Variants in PDE4D observed in about 807,000 individuals in gnomAD.
PDE4D encodes the protein 3',5'-cyclic-AMP phosphodiesterase 4D.
A neutral mutation model predicts 87.4 loss-of-function variants in PDE4D; 24 were observed. The ratio of observed to expected loss-of-function variants is 0.27; its 90% CI spans 0.20 to 0.39. PDE4D has a LOEUF of 0.39. Ranked by LOEUF, PDE4D falls within the 10% of genes least tolerant of loss-of-function variation. The pLI is 1.00. For missense variants in PDE4D, 714 were observed against 1,041.0 expected (o/e 0.69, Z 4.32); for synonymous variants, 384 against 383.2 (o/e 1.00, Z -0.02).
chr5:59,714,729 G>T (rs1193953607), intron 1 of PDE4D, among the ~76,000 whole-genome samples: 1 of 152,204 alleles, frequency 6.6e-6, no homozygotes, highest in Non-Finnish European at 1.5e-5. Context: ...TTGCTGCAGG[G>T]ATATATGCAT....
chr5:59,347,120 A>G (rs1779736802), intron 1 of PDE4D, among the ~76,000 whole-genome samples: 1 of 152,202 alleles, frequency 6.6e-6, no homozygotes, highest in Non-Finnish European at 1.5e-5. Context: ...GGATGGGAAC[A>G]CAAATCTGAT....
chr5:59,705,740 C>T (rs1753296587), intron 1 of PDE4D, among the ~76,000 whole-genome samples: 1 of 152,148 alleles, frequency 6.6e-6, no homozygotes, highest in Non-Finnish European at 1.5e-5. Flanking sequence ...ACACAGCACC[C>T]TATACATGTT....
rs1211097260 is a variant in PDE4D at position 60,123,769 on chromosome 5, C to T, written c.42+61788G>A. On this transcript the variant is annotated intron_variant, in intron 2 of 16. Coordinates refer to the PDE4D transcript ENST00000502484. ...TATACCTAATGACAGGAAGAAAACC[C>T]TAATTTCCAGTCCCATTTGACCTTT... is the stretch of plus-strand genomic sequence containing the variant. Among the ~76,000 whole-genome samples the T allele has an allele frequency of 2.0e-5, 3 of 152,194 alleles. No individual in the cohort carries two copies. The East Asian group carries it at 5.8e-4, about 29-fold the overall frequency.
chr5:58,976,470 T>C lies in PDE4D; in HGVS notation c.1710A>G (p.Val570=), dbSNP rs777255196. 2 of 1,555,174 alleles carry C rather than the reference T, an allele frequency of 1.3e-6. No individual in the cohort carries two copies. The highest frequency in any genetic ancestry group is 1.7e-6 in the Non-Finnish European group (2 of 1,145,614). ...QSLRKMVIDI[V]LATDMSKHMN... ...TGTGTTTTGACATATCTGTTGCAAG[T>C]ACCTTAAAATATAGAGTATATTATT... The change falls in exon 13 of 15, where the codon GTA becomes GTG. Residue 570 remains valine, a splice_region_variant and synonymous_variant. Transcript: ENST00000340635.
intron 1 of PDE4D, among the ~76,000 whole-genome samples, chr5:60,192,981 T>C (rs1289763356): frequency 6.6e-6 from 1 of 152,222 alleles, no homozygotes; most frequent in Non-Finnish European, 1.5e-5. Context: ...TGCTATTTCG[T>C]ACCCAATGTT....
chr5:60,148,373 A>G (rs1025935578), intron 2 of PDE4D, among the ~76,000 whole-genome samples: 6 of 152,234 alleles, frequency 3.9e-5, no homozygotes, highest in African/African-American at 1.4e-4. Flanking sequence ...ATCATTGTTT[A>G]TAACAACTAT....
At chr5:59,443,801 C>A (rs1310863336) in intron 1 of PDE4D, among the ~76,000 whole-genome samples, 1 of 152,054 alleles carries the variant, frequency 6.6e-6, no homozygotes, top group Non-Finnish European at 1.5e-5. Flanking sequence ...TAAGAGATAA[C>A]CAGTCAATGG....
At position 59,027,937 on chromosome 5, in the gene PDE4D, GATGGTAAGATGTTGAGAGGT is replaced by G. The variant is rs2153382155; in HGVS notation, c.921+10902_921+10921del. ...CAAGGAAATATTTGTGTGTATACTA[GATGGTAAGATGTTGAGAGGT>G]AGAATGGAGAGTTACCTTCTTAATA... On this transcript the variant is annotated intron_variant, in intron 6 of 14. Transcript: ENST00000340635. 2.0e-5 allele frequency among the ~76,000 whole-genome samples: 3 copies of G among 151,956 alleles called. No homozygotes were observed. The South Asian group carries it at 6.3e-4, about 32-fold the overall frequency.
At chr5:59,406,854 CG>C (rs1791758020) in intron 1 of PDE4D, among the ~76,000 whole-genome samples, 1 of 152,062 alleles carries the variant, frequency 6.6e-6, no homozygotes, top group Non-Finnish European at 1.5e-5. Context: ...TTTTCTGAAA[CG>C]TCTATTTGTT....
chr5:60,472,566 C>T (rs915088407), intron 1 of PDE4D, among the ~76,000 whole-genome samples: 1 of 152,152 alleles, frequency 6.6e-6, no homozygotes, highest in African/African-American at 2.4e-5. Flanking sequence ...TCATTACCAG[C>T]TTTACTCCCT....
In PDE4D at chr5:59,215,931, G is replaced by A. The variant is rs756389970; in HGVS notation, c.493C>T (p.Pro165Ser). The A allele has an allele frequency of 3.1e-6, 5 of 1,613,164 alleles. No homozygotes were observed. In the African/African-American group the frequency reaches 5.3e-5, roughly 17 times the overall value. Residue 165 changes from proline (P) to serine (S), a missense_variant, in exon 2 of 15, where the codon CCC becomes TCC. Pro to Ser is a moderately conservative substitution (Grantham distance 74, BLOSUM62 -1). This residue lies in a region of PDE4D where 268 missense variants were observed against 272.9 expected (regional missense o/e 0.98). Coordinates refer to ENST00000340635, the MANE Select transcript of PDE4D (RefSeq NM_001104631.2). ...VDNGTSAGRSPLDPMTSPGSG... is the reference protein window; with the variant it reads ...VDNGTSAGRSSLDPMTSPGSG... ...CCTGGGCTGGTCATGGGATCCAAGG[G>A]ACTCCGTCCCGCAGATGTGCCATTG... is the stretch of plus-strand genomic sequence containing the variant.
intron 1 of PDE4D, among the ~76,000 whole-genome samples, chr5:60,481,915 T>C (rs1346280308): frequency 6.6e-6 from 1 of 152,208 alleles, no homozygotes; most frequent in East Asian, 1.9e-4. Context: ...TATAATTTTT[T>C]TCATTACCTT....
At chr5:59,009,315 A>G (rs1752289709) in intron 6 of PDE4D, among the ~76,000 whole-genome samples, 1 of 152,210 alleles carries the variant, frequency 6.6e-6, no homozygotes, top group African/African-American at 2.4e-5. Context: ...ACCCAGAAAC[A>G]GTTCAGATAT....
intron 6 of PDE4D, among the ~76,000 whole-genome samples, chr5:59,005,003 G>A (rs747005139): frequency 2.0e-5 from 3 of 152,146 alleles, no homozygotes; most frequent in Non-Finnish European, 4.4e-5. Context: ...TCAAGGTAGT[G>A]TACTATTGCC....
intron 5 of PDE4D, among the ~76,000 whole-genome samples, chr5:59,121,210 A>T (rs1456376745): frequency 6.6e-6 from 1 of 152,210 alleles, no homozygotes; most frequent in African/African-American, 2.4e-5. Flanking sequence ...GGCTGTATTG[A>T]ACTAAAAATT....
intron 1 of PDE4D, among the ~76,000 whole-genome samples, chr5:60,437,499 G>A (rs1170744257): frequency 6.6e-6 from 1 of 152,092 alleles, no homozygotes; most frequent in Non-Finnish European, 1.5e-5. Flanking sequence ...TTCATTGAAA[G>A]TTAGTGGTGG....
intron 6 of PDE4D, among the ~76,000 whole-genome samples, chr5:59,014,106 C>A (rs904832038): frequency 5.9e-5 from 9 of 152,126 alleles, no homozygotes; most frequent in African/African-American, 2.2e-4. Flanking sequence ...GGACTTCATG[C>A]TAAAAACTCT....
chr5:60,509,285 A>T (rs1750463949), intron 1 of PDE4D, among the ~76,000 whole-genome samples: 2 of 152,102 alleles, frequency 1.3e-5, no homozygotes, highest in African/African-American at 4.8e-5. Context: ...CATGGAAAGG[A>T]CCCTCGCTTA....
At chr5:59,903,442 C>T (rs1752496355) in intron 3 of PDE4D, among the ~76,000 whole-genome samples, 1 of 151,996 alleles carries the variant, frequency 6.6e-6, no homozygotes, top group African/African-American at 2.4e-5. Flanking sequence ...GGATGAGGCA[C>T]TCGTCTAATG....
Sources: allele counts gnomAD v4.1 joint callset (sites outside exome capture counted in the v4.1 genomes callset), GRCh38; gene constraint gnomAD v4.1.1; regional missense constraint gnomAD v4.1.1; transcripts MANE v1.5; gene names NCBI Gene and HGNC (gene_info 2026-07-23, HGNC 2026-07-21).